Variants in MYH3 observed in about 807,000 individuals in gnomAD.
MYH3 encodes myosin-3.
Under a neutral mutation model 238.0 loss-of-function variants are expected in MYH3, and 130 were observed. The ratio of observed to expected loss-of-function variants is 0.55; its 90% CI spans 0.47 to 0.63. The LOEUF (loss-of-function observed/expected upper bound fraction) is 0.63. Among genes scored for constraint, MYH3 ranks in the 30% least tolerant of loss-of-function variants. The pLI is 0.00. For synonymous variants in MYH3, 880 were observed against 924.1 expected, an observed-to-expected ratio of 0.95 and a Z score of 0.86; for missense variants, 1,853 against 2,374.9, an observed-to-expected ratio of 0.78 and a Z score of 4.57.
In MYH3 at chr17:10,654,162, T is replaced by TTTC. The variant is rs767402618; in HGVS notation, c.204+696_204+698dup. On this transcript the variant is annotated intron_variant, in intron 3 of 40. Transcript: ENST00000583535. The surrounding 1 kb of genome is among the most constrained non-coding windows in gnomAD (Gnocchi z 4.5). ...TTCTTTCTTTCTTTCTCTTTCTTTCTTTCCTTCCTTCCTTGCTTTCTTTCT... is the reference window on the plus strand; with the variant it reads ...TTCTTTCTTTCTTTCTCTTTCTTTCTTTCTTCCTTCCTTCCTTGCTTTCTTTCT... 0.019 allele frequency among the ~76,000 whole-genome samples: 448 copies of TTTC among 24,038 alleles called. 4 individuals carry two copies. The highest frequency in any genetic ancestry group is 0.048 in the Middle Eastern group (3 of 62). The allele number at this position is 24,038 out of a possible 152,430, so 15.8% of individuals were successfully genotyped here. A position where few individuals can be genotyped will look rare whatever the true frequency, so the allele number is the denominator to read the frequency against.
rs201787435 is a variant in MYH3 at position 10,651,641 on chromosome 17, C to G, written c.376G>C (p.Val126Leu). The change falls in exon 5 of 41, where the codon GTC becomes CTC. Residue 126 changes from valine to leucine, a missense_variant. Physicochemically the swap from Val to Leu is conservative, Grantham distance 32. Around this residue, in one of 3 missense-constraint regions of MYH3, gnomAD observed 678 missense variants for 1,058.9 expected, o/e 0.64. Coordinates refer to ENST00000583535, the MANE Select transcript of MYH3 (RefSeq NM_002470.4). ...YTYSGLFCVT[V>L]NPYKWLPVYN... is the part of the protein sequence containing the mutation. Reference sequence around the variant, plus strand: ...ACCGGCAGCCACTTGTAGGGGTTGACAGTGACACAGAAGAGGCCTGAGTAG... The same window carrying G: ...ACCGGCAGCCACTTGTAGGGGTTGAGAGTGACACAGAAGAGGCCTGAGTAG... The G allele has an allele frequency of 5.0e-5, 80 of 1,613,822 alleles. No individual in the cohort carries two copies. The African/African-American group carries it at 9.2e-4, about 19-fold the overall frequency.
rs776191435 is a variant in MYH3, at chr17:10,639,059, T to C, written c.3233A>G (p.Asp1078Gly). ...AAGGGCATACTTCTTGAGCCTTTCG[T>C]CCAGCTGTTGCTTGTCATTCTCCAG... is the stretch of plus-strand genomic sequence containing the variant. The part of the protein sequence containing the change: ...LDLENDKQQL[D>G]ERLKKKDFEY... Residue 1078 changes from aspartate to glycine, a missense_variant, in exon 25 of 41, where the codon GAC (aspartate) becomes GGC (glycine). Asp to Gly is a moderately conservative substitution (Grantham distance 94). Coordinates refer to ENST00000583535, the MANE Select transcript of MYH3 (RefSeq NM_002470.4). 5 of 1,614,268 alleles carry C rather than the reference T, an allele frequency of 3.1e-6. No homozygotes were observed. The Admixed American group carries it at 8.3e-5, about 27-fold the overall frequency.
chr17:10,677,586 GCCTCCCAACTCGC>G, the MYH3 span: 14 of 152,084 alleles, frequency 9.2e-5, no homozygotes, highest in African/African-American at 3.4e-4. Flanking sequence ...AAAATCATTA[GCCTCCCAACTCGC>G]ATATTTTACT....
chr17:10,635,079 T>A, intron 30 of MYH3, 56 bp from the exon 31 acceptor site: 1 of 1,538,364 alleles, frequency 6.5e-7, no homozygotes, highest in South Asian at 1.1e-5. Flanking sequence ...CACTTGAACA[T>A]CACTATTCAT....
chr17:10,664,145 G>A, the MYH3 span, among the ~76,000 whole-genome samples: 3 of 151,330 alleles, frequency 2.0e-5, no homozygotes, highest in Non-Finnish European at 4.4e-5. Flanking sequence ...TATTATGCCT[G>A]CTTTCAAGAA....
chr17:10,645,511 TG>T (rs2074312334), intron 12 of MYH3, among the ~76,000 whole-genome samples, 195 bp downstream of exon 12: 1 of 151,932 alleles, frequency 6.6e-6, no homozygotes, highest in African/African-American at 2.4e-5. Context: ...TTAGTAGAGA[TG>T]GGGTTTCACC....
upstream of MYH3, among the ~76,000 whole-genome samples, chr17:10,660,544 G>A (rs1170971808): frequency 6.6e-6 from 1 of 152,086 alleles, no homozygotes; most frequent in East Asian, 1.9e-4. Context: ...TGGCATGGTG[G>A]CAGGTCCCTG....
At chr17:10,669,459 A>C in the MYH3 span, among the ~76,000 whole-genome samples, 1 of 151,668 alleles carries the variant, frequency 6.6e-6, no homozygotes, top group Non-Finnish European at 1.5e-5. Flanking sequence ...AGGCTGAGGC[A>C]GGAAGGCTGA....
At chr17:10,665,667 G>C in the MYH3 span, among the ~76,000 whole-genome samples, 1 of 152,086 alleles carries the variant, frequency 6.6e-6, no homozygotes, top group African/African-American at 2.4e-5. Flanking sequence ...CTTTGGATAG[G>C]GTGATTCACC....
At chr17:10,668,507 G>A in the MYH3 span, among the ~76,000 whole-genome samples, 1 of 152,052 alleles carries the variant, frequency 6.6e-6, no homozygotes, top group Non-Finnish European at 1.5e-5. Flanking sequence ...TGAGGTCCTA[G>A]GTTGAAGAGA....
Position 10,645,756 on chromosome 17 carries a change from C to T in MYH3, c.1092G>A (p.Lys364=). The part of the protein sequence containing the change: ...TGAVMHYGNM[K]FKQKQREEQA... ...GCTCCTCTCGCTGCTTCTGCTTGAA[C>T]TTCATGTTCCCGTAGTGCATCACGG... The change falls in exon 12 of 41, where the codon AAG becomes AAA. Residue 364 remains lysine, a synonymous_variant. Transcript: ENST00000583535. 1.2e-6 allele frequency: 2 copies of T among 1,613,842 alleles called. No individual in the cohort carries two copies. Among genetic ancestry groups the T allele is most frequent in the Non-Finnish European group, 1.7e-6 (2 of 1,180,026 alleles).
At chr17:10,670,293 T>G in the MYH3 span, among the ~76,000 whole-genome samples, 1 of 152,214 alleles carries the variant, frequency 6.6e-6, no homozygotes, top group African/African-American at 2.4e-5. This position sits in a 1 kb window ranked among gnomAD's most constrained non-coding sequence, Gnocchi z 7.0. Flanking sequence ...CATCAGTGGA[T>G]CACAGCACCC....
chr17:10,635,173 G>T, intron 30 of MYH3, 150 bp from the exon 31 acceptor site: 1 of 1,315,228 alleles, frequency 7.6e-7, no homozygotes, highest in South Asian at 1.3e-5. Context: ...CTCAAAATCT[G>T]GGATCAATAA....
At chr17:10,677,849 G>GC in the MYH3 span, 1 of 152,334 alleles carries the variant, frequency 6.6e-6, no homozygotes, top group Admixed American at 6.5e-5. Flanking sequence ...GGGCGTGGTG[G>GC]CTCACACCTG....
chr17:10,670,792 T>C, the MYH3 span, among the ~76,000 whole-genome samples: 12,151 of 152,216 alleles, frequency 0.08, 873 homozygotes, highest in African/African-American at 0.19. The surrounding 1 kb of genome is among the most constrained non-coding windows in gnomAD (Gnocchi z 7.0). Flanking sequence ...ATATTGGATA[T>C]CTTTTCAGAT....
chr17:10,641,827 CA>C (rs1237538937), intron 17 of MYH3, among the ~76,000 whole-genome samples: 1 of 152,102 alleles, frequency 6.6e-6, no homozygotes, highest in Admixed American at 6.6e-5. Context: ...CTCAGGCTTT[CA>C]ATGGTCCTAT....
At chr17:10,636,811 G>T (rs970359102) in intron 28 of MYH3, among the ~76,000 whole-genome samples, 1 of 151,968 alleles carries the variant, frequency 6.6e-6, no homozygotes, top group African/African-American at 2.4e-5. Flanking sequence ...CTACTCAGGA[G>T]GCTGAGGCAA....
At position 10,638,235 on chromosome 17, in the gene MYH3, C is replaced by T; in HGVS notation, c.3537G>A (p.Leu1179=). The change falls in exon 27 of 41, where the codon CTG becomes CTA. Residue 1179 remains leucine, a synonymous_variant. Coordinates refer to ENST00000583535, the MANE Select transcript of MYH3 (RefSeq NM_002470.4). ...CTTCGTGCTGCAGTGTGGCCTCCTC[C>T]AGGTCCCTGCGCAGCTTCAGGAACT... is the stretch of plus-strand genomic sequence containing the variant. ...EAEFLKLRRD[L]EEATLQHEAM... 6.2e-7 allele frequency: 1 copy of T among 1,613,976 alleles called. No homozygotes were observed. The highest frequency in any genetic ancestry group is 1.1e-5 in the South Asian group (1 of 91,062).
the MYH3 span, among the ~76,000 whole-genome samples, chr17:10,667,679 CT>C: frequency 4.4e-4 from 41 of 93,148 alleles, no homozygotes; most frequent in Non-Finnish European, 4.3e-4. Flanking sequence ...AAGACTCTGT[CT>C]AAAAAAAAAA....
Sources: gnomAD v4.1 joint callset for allele counts (sites outside exome capture counted in the v4.1 genomes callset) on GRCh38, gnomAD v4.1.1 for gene constraint, gnomAD v4.1.1 regional missense constraint, Gnocchi (gnomAD v3.1) non-coding constraint, MANE v1.5 for transcripts, NCBI Gene and HGNC (gene_info 2026-07-23, HGNC 2026-07-21) for gene names.